Variants in ADAMTS14 observed in about 807,000 individuals in gnomAD.
ADAMTS14 encodes the protein A disintegrin and metalloproteinase with thrombospondin motifs 14.
ADAMTS14 carries 100 observed loss-of-function variants against 128.6 expected under a neutral mutation model. That is an observed-to-expected ratio of 0.78 (90% CI 0.66 to 0.92). The LOEUF (loss-of-function observed/expected upper bound fraction) is 0.92, where lower values mean the gene tolerates loss of function less well. Ranked by LOEUF, ADAMTS14 falls within the 40% of genes least tolerant of loss-of-function variation. The pLI is 0.00. For synonymous variants in ADAMTS14, 665 were observed against 653.8 expected (o/e 1.02, Z -0.26); for missense variants, 1,562 against 1,658.6 (o/e 0.94, Z 1.01).
At chr10:70,737,346 C>T (rs1841859189) in intron 10 of ADAMTS14, among the ~76,000 whole-genome samples, 1 of 152,230 alleles carries the variant, frequency 6.6e-6, no homozygotes, top group Admixed American at 6.5e-5. Flanking sequence ...TGAAACCCAG[C>T]TCTGCTCTGC....
chr10:70,709,482 G>A (rs1221249913), intron 4 of ADAMTS14, among the ~76,000 whole-genome samples: 2 of 144,946 alleles, frequency 1.4e-5, no homozygotes, highest in Non-Finnish European at 3.0e-5. Flanking sequence ...AGATATTTAA[G>A]TGAACATTTC....
chr10:70,708,448 G>A (rs1412202104), intron 3 of ADAMTS14, 140 bp from the exon 4 acceptor site: 7 of 707,130 alleles, frequency 9.9e-6, no homozygotes, highest in Non-Finnish European at 1.4e-5. Context: ...ACCTAGTATG[G>A]AGCAATCCCT....
chr10:70,746,567 G>A (rs1842185027), intron 15 of ADAMTS14, among the ~76,000 whole-genome samples: 1 of 152,182 alleles, frequency 6.6e-6, no homozygotes, highest in Admixed American at 6.5e-5. Flanking sequence ...CAACACTTTG[G>A]GAGGCCAAGG....
intron 4 of ADAMTS14, among the ~76,000 whole-genome samples, chr10:70,719,969 G>A (rs1016705008): frequency 6.6e-6 from 1 of 152,266 alleles, no homozygotes; most frequent in Admixed American, 6.5e-5. Flanking sequence ...CGAGGCTGCT[G>A]CGTTTCACAA....
chr10:70,672,689 AGCGGCGG>A lies in ADAMTS14; in HGVS notation c.-113_-107del. On this transcript the variant is annotated 5_prime_UTR_variant, in exon 1 of 22. Transcript: ENST00000373207. ...TAGGCGGGGAGGCGGCTGAGGCGGC[AGCGGCGG>A]CAGCCAGCCGGTGCTCCGACAGCCC... 1 of 709,428 alleles carries A rather than the reference AGCGGCGG, an allele frequency of 1.4e-6. No individual in the cohort carries two copies. The highest frequency in any genetic ancestry group is 1.9e-6 in the Non-Finnish European group (1 of 537,930). 43.9% of individuals were successfully genotyped at this position (709,428 alleles called of 1,614,324 possible).
intron 6 of ADAMTS14, 129 bp downstream of exon 6, chr10:70,730,378 G>C: frequency 7.8e-7 from 1 of 1,277,612 alleles, no homozygotes; most frequent in Admixed American, 2.6e-5. Flanking sequence ...ATGGGACCTG[G>C]ACAGCCGAGG....
At chr10:70,674,408 T>A in intron 1 of ADAMTS14, 148 bp from the exon 2 acceptor site, 2 of 739,360 alleles carry the variant, frequency 2.7e-6, no homozygotes, top group East Asian at 5.2e-5. Context: ...CAGGAAGCAA[T>A]GGATGGAAAA....
chr10:70,754,079 G>A, intron 19 of ADAMTS14, 72 bp downstream of exon 19: 1 of 1,374,194 alleles, frequency 7.3e-7, no homozygotes. Flanking sequence ...GGTGTTCCCT[G>A]CAGGCAAGAG....
At chr10:70,750,396 T>C (rs971718163) in intron 16 of ADAMTS14, among the ~76,000 whole-genome samples, 7 of 152,150 alleles carry the variant, frequency 4.6e-5, no homozygotes, top group Non-Finnish European at 1.0e-4. Flanking sequence ...AGCTCCAGCC[T>C]CCTGAAAAGG....
intron 21 of ADAMTS14, among the ~76,000 whole-genome samples, chr10:70,759,109 A>C (rs1283837809): frequency 3.4e-5 from 2 of 59,398 alleles, no homozygotes; most frequent in African/African-American, 6.1e-5. Flanking sequence ...TCCTCAAAGG[A>C]CCTTCTACCT....
At position 70,733,793 on chromosome 10, in the gene ADAMTS14, C is replaced by T. The variant is rs1841728322; in HGVS notation, c.1209-92C>T. On this transcript the variant is annotated intron_variant, in intron 7 of 21. Coordinates refer to ENST00000373207, the MANE Select transcript of ADAMTS14 (RefSeq NM_080722.4). ...GAGCGATCTGAGCTCCGGGTCAGGT[C>T]AGGGTCTCCTGCTGCTGGCCTGCCT... is the stretch of plus-strand genomic sequence containing the variant. 5 of 1,502,430 alleles carry T rather than the reference C, an allele frequency of 3.3e-6. No individual in the cohort carries two copies. In the South Asian group the frequency reaches 5.2e-5, roughly 16 times the overall value. The allele number at this position is 1,502,430 out of a possible 1,614,324, so 93.1% of individuals were successfully genotyped here.
At position 70,760,829 on chromosome 10, in the gene ADAMTS14, C is replaced by A; in HGVS notation, c.3648C>A (p.Leu1216=). The part of the protein sequence containing the change: ...GEDLRHPGTS[L]PAASPVT ...ACCTGAGACATCCCGGCACCAGCCT[C>A]CCTGCTGCCTCCCCGGTGACATGAG... is the stretch of plus-strand genomic sequence containing the variant. Residue 1216 remains leucine (L), a synonymous_variant, in exon 22 of 22, where the codon CTC becomes CTA. Coordinates refer to ENST00000373207, the MANE Select transcript of ADAMTS14 (RefSeq NM_080722.4). 6.3e-7 allele frequency: 1 copy of A among 1,582,592 alleles called. No individual in the cohort carries two copies. Among genetic ancestry groups the A allele is most frequent in the Non-Finnish European group, 8.6e-7 (1 of 1,161,776 alleles).
chr10:70,686,291 TAATTTA>T (rs1564519563), intron 2 of ADAMTS14, among the ~76,000 whole-genome samples: 16 of 140,104 alleles, frequency 1.1e-4, no homozygotes, highest in South Asian at 2.4e-4. Context: ...TTTTTTTTTT[TAATTTA>T]TTTTTTTATT....
In ADAMTS14 at chr10:70,743,647, A is replaced by G; in HGVS notation, c.2024A>G (p.Asp675Gly). Residue 675 changes from aspartate (D) to glycine (G), a missense_variant, in exon 13 of 22, where the codon GAC becomes GGC. Coordinates refer to ENST00000373207, the MANE Select transcript of ADAMTS14 (RefSeq NM_080722.4). The stretch of plus-strand genomic sequence containing the variant: ...GATGGGACACGCTGCAGCTACCGGG[A>G]CCCATACAGCGTCTGTGCGCGTGGC... ...VHDGTRCSYR[D>G]PYSVCARGEC... 6.2e-7 allele frequency: 1 copy of G among 1,610,016 alleles called. No homozygotes were observed. The highest frequency in any genetic ancestry group is 8.5e-7 in the Non-Finnish European group (1 of 1,178,500).
intron 3 of ADAMTS14, 93 bp from the exon 4 acceptor site, chr10:70,708,495 C>A: frequency 8.8e-7 from 1 of 1,134,214 alleles, no homozygotes; most frequent in African/African-American, 1.5e-5. Flanking sequence ...GAAAGGGGCA[C>A]CAGTGATGGG....
At chr10:70,696,772 C>T (rs867807236) in intron 2 of ADAMTS14, among the ~76,000 whole-genome samples, 7 of 152,220 alleles carry the variant, frequency 4.6e-5, no homozygotes, top group Middle Eastern at 3.4e-3. Context: ...GAGCCACCTG[C>T]GGTCGAGGTT....
chr10:70,713,818 A>C (rs576206293), intron 4 of ADAMTS14, among the ~76,000 whole-genome samples: 21 of 152,196 alleles, frequency 1.4e-4, no homozygotes, highest in Admixed American at 1.0e-3. Context: ...TGGCTTCCAC[A>C]GTGGGGGACA....
chr10:70,721,915 C>T (rs190228639), intron 4 of ADAMTS14, among the ~76,000 whole-genome samples: 294 of 152,300 alleles, frequency 1.9e-3, no homozygotes, highest in Middle Eastern at 3.4e-3. Flanking sequence ...ATACAAGCTA[C>T]GGACAGCATC....
At chr10:70,732,441 C>T in intron 7 of ADAMTS14, 82 bp downstream of exon 7, 2 of 1,311,722 alleles carry the variant, frequency 1.5e-6, no homozygotes, top group Non-Finnish European at 2.1e-6. Flanking sequence ...GAGGATTTGC[C>T]CAGCTTGGCC....
Sources: allele counts gnomAD v4.1 joint callset (sites outside exome capture counted in the v4.1 genomes callset), GRCh38; gene constraint gnomAD v4.1.1; transcripts MANE v1.5; gene names NCBI Gene and HGNC (gene_info 2026-07-23, HGNC 2026-07-21).